KNL1: variants seen among roughly 807,000 people sequenced by gnomAD.
KNL1 encodes outer kinetochore KNL1 complex subunit KNL1.
Under a neutral mutation model 201.3 loss-of-function variants are expected in KNL1, and 66 were observed. That is an observed-to-expected ratio of 0.33 (90% CI 0.27 to 0.40). The LOEUF (loss-of-function observed/expected upper bound fraction) is 0.40. Ranked by LOEUF, KNL1 falls within the 10% of genes least tolerant of loss-of-function variation. The pLI, the probability that KNL1 is intolerant of heterozygous loss-of-function variation, is 1.00. For missense variants in KNL1, 2,815 were observed against 2,690.5 expected (o/e 1.05, Z -1.02); for synonymous variants, 895 against 899.2 (o/e 1.00, Z 0.08).
chr15:40,603,729 A>G (rs1891884304), intron 2 of KNL1, among the ~76,000 whole-genome samples: 1 of 152,268 alleles, frequency 6.6e-6, no homozygotes, highest in Non-Finnish European at 1.5e-5. Context: ...TTGAAGTGGC[A>G]TAGCGTAAAG....
chr15:40,622,652 A>G lies in KNL1; in HGVS notation c.2388A>G (p.Thr796=), dbSNP rs746376020. 6.3e-6 allele frequency: 10 copies of G among 1,592,852 alleles called. No individual in the cohort carries two copies. In the East Asian group the frequency reaches 8.9e-5, roughly 14 times the overall value. Reference sequence around the variant, plus strand: ...AACACACTACTGGCCAGCTAACAACAATGAACAGACAGATAGCTGTAAAAG... The same window carrying G: ...AACACACTACTGGCCAGCTAACAACGATGAACAGACAGATAGCTGTAAAAG... ...NLEHTTGQLT[T]MNRQIAVKVE... Residue 796 remains threonine (T), a synonymous_variant, in exon 10 of 26, where the codon ACA becomes ACG. Transcript: ENST00000399668.
At chr15:40,605,489 T>TC (rs1891942032) in intron 3 of KNL1, among the ~76,000 whole-genome samples, 1 of 152,224 alleles carries the variant, frequency 6.6e-6, no homozygotes, top group Non-Finnish European at 1.5e-5. Flanking sequence ...TCTCGCTCTG[T>TC]CGCCCAGGCT....
intron 13 of KNL1, among the ~76,000 whole-genome samples, chr15:40,639,383 C>G (rs780643221): frequency 6.6e-6 from 1 of 151,190 alleles, no homozygotes. Context: ...GCCAGGAGTT[C>G]GAGACCAGCC....
rs73394720 is a variant in KNL1 at position 40,594,900 on chromosome 15, T to C, written c.-18+508T>C. ...GCCGCACGTAACAGATTTTTCGTTTTCTGCAAGTATAATAACCTTAACAAA... is the reference window on the plus strand; with the variant it reads ...GCCGCACGTAACAGATTTTTCGTTTCCTGCAAGTATAATAACCTTAACAAA... On this transcript the variant is annotated intron_variant, in intron 1 of 25. Coordinates refer to ENST00000399668, the MANE Select transcript of KNL1 (RefSeq NM_144508.5). 7.2e-3 allele frequency among the ~76,000 whole-genome samples: 1,104 copies of C among 152,374 alleles called. 9 individuals are homozygous for C. The highest frequency in any genetic ancestry group is 0.025 in the African/African-American group (1,056 of 41,590).
chr15:40,623,524 A>G lies in KNL1; in HGVS notation c.3260A>G (p.Asp1087Gly). 1 of 1,613,574 alleles carries G rather than the reference A, an allele frequency of 6.2e-7. No homozygotes were observed. The stretch of plus-strand genomic sequence containing the variant: ...TCAGAGAATCATAAAAATGATATGG[A>G]TATTACCCAGAGTTGTATGGTGGAA... ...VFSENHKNDM[D>G]ITQSCMVEID... The change falls in exon 10 of 26, where the codon GAT becomes GGT. Residue 1087 changes from aspartate (D) to glycine (G), a missense_variant. By Grantham distance (94) the Asp-to-Gly change is moderately conservative (BLOSUM62 -1). Coordinates refer to ENST00000399668, the MANE Select transcript of KNL1 (RefSeq NM_144508.5).
chr15:40,595,037 G>C (rs1891583333), intron 1 of KNL1, among the ~76,000 whole-genome samples: 1 of 152,198 alleles, frequency 6.6e-6, no homozygotes, highest in Non-Finnish European at 1.5e-5. Context: ...TCAAGTTTGA[G>C]GGAGGAAAAA....
chr15:40,607,447 C>G (rs540600511), intron 4 of KNL1, among the ~76,000 whole-genome samples: 1 of 152,302 alleles, frequency 6.6e-6, no homozygotes, highest in East Asian at 1.9e-4. Context: ...TGCTTTGATG[C>G]AGAGGGGTTA....
intron 16 of KNL1, among the ~76,000 whole-genome samples, chr15:40,646,373 T>A (rs904861673): frequency 6.6e-6 from 1 of 152,062 alleles, no homozygotes. Flanking sequence ...AATGCTAAAA[T>A]AAAGTACCAG....
chr15:40,639,439 G>A (rs1049883442), intron 13 of KNL1, among the ~76,000 whole-genome samples: 2 of 151,750 alleles, frequency 1.3e-5, no homozygotes, highest in Non-Finnish European at 2.9e-5. Flanking sequence ...TACAAAAGTA[G>A]CCGGGCGTGG....
rs369139423 is a variant in KNL1, at chr15:40,622,026, C to T, written c.1762C>T (p.Leu588Phe). The change falls in exon 10 of 26, where the codon CTT (leucine) becomes TTT (phenylalanine). Residue 588 changes from leucine (L) to phenylalanine (F), a missense_variant. By Grantham distance (22) the Leu-to-Phe change is conservative. Transcript: ENST00000399668. ...HTSNLGSQVPLAAYNLAPEST... is the reference protein window; with the variant it reads ...HTSNLGSQVPFAAYNLAPEST... ...AAGTAACTTAGGAAGTCAGGTTCCT[C>T]TTGCAGCTTATAATCTAGCACCGGA... The T allele has an allele frequency of 6.7e-5, 108 of 1,614,066 alleles. No individual in the cohort carries two copies. The South Asian group carries it at 1.1e-3, about 17-fold the overall frequency.
chr15:40,603,529 T>A (rs1323558788), intron 2 of KNL1, among the ~76,000 whole-genome samples: 2 of 152,188 alleles, frequency 1.3e-5, no homozygotes, highest in African/African-American at 4.8e-5. Context: ...GTCCCGGCAC[T>A]TTGAGAGGCT....
At chr15:40,606,961 G>A (rs1266433981) in intron 4 of KNL1, among the ~76,000 whole-genome samples, 1 of 152,128 alleles carries the variant, frequency 6.6e-6, no homozygotes, top group Non-Finnish European at 1.5e-5. Context: ...ATTTCGCCAT[G>A]TTGCCCCACG....
At chr15:40,631,898 A>G (rs533810180) in intron 13 of KNL1, among the ~76,000 whole-genome samples, 1 of 151,528 alleles carries the variant, frequency 6.6e-6, no homozygotes, top group African/African-American at 2.4e-5. Context: ...GGTCCCAACT[A>G]CTCAGGAGGC....
At chr15:40,601,363 C>T (rs1891786521) in intron 1 of KNL1, among the ~76,000 whole-genome samples, 1 of 152,312 alleles carries the variant, frequency 6.6e-6, no homozygotes, top group African/African-American at 2.4e-5. Context: ...GACCACTTAT[C>T]TAATTGATGT....
intron 1 of KNL1, among the ~76,000 whole-genome samples, chr15:40,599,761 T>G (rs1891730658): frequency 6.6e-6 from 1 of 151,122 alleles, no homozygotes; most frequent in Non-Finnish European, 1.5e-5. Flanking sequence ...ATTGCAAGGT[T>G]GATTTTCTGA....
chr15:40,631,453 G>A (rs755897012), intron 13 of KNL1, among the ~76,000 whole-genome samples: 3 of 152,068 alleles, frequency 2.0e-5, no homozygotes, highest in Non-Finnish European at 4.4e-5. Flanking sequence ...TGTTGTCGTG[G>A]AGTCTAAAAT....
intron 13 of KNL1, among the ~76,000 whole-genome samples, chr15:40,640,098 C>CTTTTTTTTTTTTTTTTTTTTTTTTTTT (rs544723388): frequency 9.6e-5 from 12 of 124,502 alleles, no homozygotes; most frequent in East Asian, 4.5e-4. Flanking sequence ...TTTTTCTTTT[C>CTTTTTTTTTTTTTTTTTTTTTTTTTTT]TTTTTTTTTT....
chr15:40,644,322 A>G (rs1893322426), intron 14 of KNL1, among the ~76,000 whole-genome samples: 1 of 152,274 alleles, frequency 6.6e-6, no homozygotes, highest in Non-Finnish European at 1.5e-5. Flanking sequence ...GTAAAGAATA[A>G]CAAGGCAGCA....
In KNL1 at chr15:40,645,532, G is replaced by A. The variant is rs562595064; in HGVS notation, c.5890-124G>A. ...TTTTTCTGGTCTTAGACAATTACAT[G>A]GAATTAAATTTGCAAATGACAAATA... On this transcript the variant is annotated intron_variant, in intron 15 of 25. Transcript: ENST00000399668. 19 of 487,548 alleles carry A rather than the reference G, an allele frequency of 3.9e-5. No individual in the cohort carries two copies. In the South Asian group the frequency reaches 5.1e-4, roughly 13 times the overall value. The allele number at this position is 487,548 out of a possible 1,614,324, so 30.2% of individuals were successfully genotyped here. A position where few individuals can be genotyped will look rare whatever the true frequency, so the allele number is the denominator to read the frequency against.
Sources: gnomAD v4.1 joint callset for allele counts (sites outside exome capture counted in the v4.1 genomes callset) on GRCh38, gnomAD v4.1.1 for gene constraint, MANE v1.5 for transcripts, NCBI Gene and HGNC (gene_info 2026-07-23, HGNC 2026-07-21) for gene names.